The following CAMKK1 variants were observed in gnomAD, a reference collection of about 807,000 sequenced individuals.
The protein encoded by CAMKK1 is calcium/calmodulin dependent protein kinase kinase 1, also known as calcium/calmodulin-dependent protein kinase kinase 1.
CAMKK1 carries 20 observed loss-of-function variants against 63.5 expected under a neutral mutation model. That is an observed-to-expected ratio of 0.32 (90% CI 0.22 to 0.46). The LOEUF (loss-of-function observed/expected upper bound fraction) is 0.46. Among genes scored for constraint, CAMKK1 ranks in the 20% least tolerant of loss-of-function variants. The pLI is 1.00. For missense variants in CAMKK1, 588 were observed against 658.1 expected (o/e 0.89, Z 1.17); for synonymous variants, 253 against 269.0 (o/e 0.94, Z 0.58).
At chr17:3,881,484 T>C in intron 8 of CAMKK1, 143 bp downstream of exon 8, 3 of 701,746 alleles carry the variant, frequency 4.3e-6, no homozygotes, top group Non-Finnish European at 7.2e-6. Flanking sequence ...ATGGTCCTCT[T>C]GGTCTCTTAT....
intron 12 of CAMKK1, among the ~76,000 whole-genome samples, chr17:3,871,676 G>GT (rs1221638739): frequency 0.012 from 1,394 of 119,114 alleles, 15 homozygotes; most frequent in Middle Eastern, 0.071. Context: ...TCTTTCTTCT[G>GT]TTTTTTTTTT....
chr17:3,873,137 G>A (rs1408478998), intron 11 of CAMKK1, among the ~76,000 whole-genome samples: 1 of 152,224 alleles, frequency 6.6e-6, no homozygotes, highest in Non-Finnish European at 1.5e-5. Context: ...TGGCGTCAAG[G>A]GACAGAGGGA....
chr17:3,890,063 A>G lies in CAMKK1; in HGVS notation c.-44+2876T>C, dbSNP rs549747740. ...CAGCAGAGGACCGAACAGAAGGGAAAGCCGCAGAGGTGGCGGCCACCCAGG... is the reference window on the plus strand; with the variant it reads ...CAGCAGAGGACCGAACAGAAGGGAAGGCCGCAGAGGTGGCGGCCACCCAGG... On this transcript the variant is annotated intron_variant, in intron 1 of 15. Transcript: ENST00000348335. The surrounding 1 kb of genome is among the most constrained non-coding windows in gnomAD (Gnocchi z 6.5). 4.6e-5 allele frequency among the ~76,000 whole-genome samples: 7 copies of G among 152,304 alleles called. No homozygotes were observed. In the South Asian group the frequency reaches 1.5e-3, roughly 32 times the overall value.
rs762326027 is a variant in CAMKK1, at chr17:3,869,655, G to A, written c.1213-40C>T. 4.3e-6 allele frequency: 7 copies of A among 1,613,714 alleles called. No individual in the cohort carries two copies. The Admixed American group carries it at 1.0e-4, about 23-fold the overall frequency. On this transcript the variant is annotated intron_variant, in intron 13 of 15. Transcript: ENST00000348335. ...AGGGCAGGGAGAGGGGGAGAGGTCA[G>A]GCCATTACCAGAATCACCTGGAGGG...
intron 9 of CAMKK1, 23 bp downstream of exon 9, chr17:3,880,323 T>C: frequency 1.2e-6 from 2 of 1,606,664 alleles, no homozygotes; most frequent in East Asian, 2.2e-5. Flanking sequence ...CCAGCCCCAG[T>C]GGGCAAGCTG....
intron 15 of CAMKK1, among the ~76,000 whole-genome samples, chr17:3,864,547 T>A (rs1408189396): frequency 1.3e-5 from 2 of 152,152 alleles, no homozygotes; most frequent in Non-Finnish European, 2.9e-5. Flanking sequence ...CACCCGGCCG[T>A]GCTGGCATAA....
intron 1 of CAMKK1, among the ~76,000 whole-genome samples, chr17:3,888,055 C>G (rs1316982251): frequency 1.3e-5 from 2 of 152,178 alleles, no homozygotes; most frequent in African/African-American, 4.8e-5. Flanking sequence ...CCCCATTAGA[C>G]AGATGAGAAA....
In CAMKK1 at chr17:3,882,700, C is replaced by T. The variant is rs901727286; in HGVS notation, c.649-136G>A. On this transcript the variant is annotated intron_variant, in intron 6 of 15. Coordinates refer to ENST00000348335, the MANE Select transcript of CAMKK1 (RefSeq NM_032294.3). The surrounding 1 kb of genome is among the most constrained non-coding windows in gnomAD (Gnocchi z 4.3). Reference sequence around the variant, plus strand: ...CCCAGACAAGGAAGCAGGAAGTGTACAGGTGGTGCCAGACTGATGGGGCCT... The same window carrying T: ...CCCAGACAAGGAAGCAGGAAGTGTATAGGTGGTGCCAGACTGATGGGGCCT... 2.4e-5 allele frequency: 20 copies of T among 848,966 alleles called. No individual in the cohort carries two copies. Among genetic ancestry groups the T allele is most frequent in the Non-Finnish European group, 3.8e-5 (20 of 529,836 alleles). 52.6% of individuals were successfully genotyped at this position (848,966 alleles called of 1,614,324 possible).
chr17:3,864,391 T>C (rs946952284), intron 15 of CAMKK1, among the ~76,000 whole-genome samples: 15 of 151,724 alleles, frequency 9.9e-5, no homozygotes, highest in East Asian at 3.9e-4. Context: ...GGACTCCAGG[T>C]GCCCGCCACC....
intron 12 of CAMKK1, among the ~76,000 whole-genome samples, chr17:3,870,737 T>G (rs750256061): frequency 7.9e-5 from 12 of 152,262 alleles, no homozygotes; most frequent in Non-Finnish European, 1.3e-4. Context: ...AGAAAGCCAC[T>G]CTCAGGACTG....
chr17:3,880,327 C>A lies in CAMKK1; in HGVS notation c.796+19G>T, dbSNP rs753981187. 1 of 1,610,628 alleles carries A rather than the reference C, an allele frequency of 6.2e-7. No individual in the cohort carries two copies. The highest frequency in any genetic ancestry group is 8.5e-7 in the Non-Finnish European group (1 of 1,177,358). The stretch of plus-strand genomic sequence containing the variant: ...ATCCCCTAGCCCCAGCCCCAGTGGG[C>A]AAGCTGCCCCGCACTCACAGTACTC... On this transcript the variant is annotated intron_variant, in intron 9 of 15. Transcript: ENST00000348335.
chr17:3,890,701 G>T lies in CAMKK1; in HGVS notation c.-44+2238C>A. On this transcript the variant is annotated intron_variant, in intron 1 of 15. Coordinates refer to ENST00000348335, the MANE Select transcript of CAMKK1 (RefSeq NM_032294.3). The surrounding 1 kb of genome is among the most constrained non-coding windows in gnomAD (Gnocchi z 6.5). ...CACAACCCCACACTTACTCTCCACT[G>T]CAGCCACACCACAGCTTCCCAAATT... The T allele has an allele frequency of 1.3e-6, 1 of 779,668 alleles. No individual in the cohort carries two copies. The allele number at this position is 779,668 out of a possible 1,614,324, so 48.3% of individuals were successfully genotyped here.
chr17:3,882,504 G>C lies in CAMKK1; in HGVS notation c.685+24C>G. 6.3e-7 allele frequency: 1 copy of C among 1,597,654 alleles called. No homozygotes were observed. Among genetic ancestry groups the C allele is most frequent in the Non-Finnish European group, 8.5e-7 (1 of 1,171,284 alleles). On this transcript the variant is annotated intron_variant, in intron 7 of 15. Transcript: ENST00000348335. This position sits in a 1 kb window ranked among gnomAD's most constrained non-coding sequence, Gnocchi z 4.3. ...TTGGGCCAGCCCTGAGTGAGCTGCT[G>C]TGGGAATGAGCCAGGTCACTCACCC...
intron 14 of CAMKK1, among the ~76,000 whole-genome samples, chr17:3,868,741 C>G (rs934258010): frequency 6.6e-6 from 1 of 152,104 alleles, no homozygotes; most frequent in Non-Finnish European, 1.5e-5. Flanking sequence ...CAACCTCCAC[C>G]TCCCAGGTTC....
chr17:3,876,434 G>C lies in CAMKK1; in HGVS notation c.797-12C>G, dbSNP rs1179681443. 1 of 1,612,772 alleles carries C rather than the reference G, an allele frequency of 6.2e-7. No homozygotes were observed. The highest frequency in any genetic ancestry group is 1.7e-5 in the Admixed American group (1 of 60,034). Reference sequence around the variant, plus strand: ...CTTCTGGCAGTGCACTGCAGAGAAGGGGAGCTTGAGCTGAGCGCTGGCCTG... The same window carrying C: ...CTTCTGGCAGTGCACTGCAGAGAAGCGGAGCTTGAGCTGAGCGCTGGCCTG... On this transcript the variant is annotated splice_polypyrimidine_tract_variant and intron_variant, in intron 9 of 15. Coordinates refer to ENST00000348335, the MANE Select transcript of CAMKK1 (RefSeq NM_032294.3).
intron 14 of CAMKK1, among the ~76,000 whole-genome samples, chr17:3,868,943 G>A (rs1389688712): frequency 1.3e-4 from 19 of 150,328 alleles, no homozygotes; most frequent in African/African-American, 7.4e-5. Flanking sequence ...GTGAGCCACC[G>A]CGCCCGGTAT....
chr17:3,867,486 T>C (rs1206049349), intron 14 of CAMKK1, among the ~76,000 whole-genome samples: 13 of 152,126 alleles, frequency 8.5e-5, no homozygotes. Flanking sequence ...GGGACCATGC[T>C]GGGTGCTGAG....
chr17:3,865,979 G>A lies in CAMKK1; in HGVS notation c.1374C>T (p.Ser458=), dbSNP rs1383732227. ...CTTGGGGCTCAAACGGGTTCCCAAA[G>A]GAACGCTTCCTCAGCATGGACTTCA... The part of the protein sequence containing the change: ...ILVKSMLRKR[S]FGNPFEPQAR... The change falls in exon 15 of 16, where the codon TCC becomes TCT. Residue 458 remains serine (S), a synonymous_variant. Transcript: ENST00000348335. 1 of 1,614,202 alleles carries A rather than the reference G, an allele frequency of 6.2e-7. No individual in the cohort carries two copies. Among genetic ancestry groups the A allele is most frequent in the Non-Finnish European group, 8.5e-7 (1 of 1,180,032 alleles).
chr17:3,863,262 G>A lies in CAMKK1; in HGVS notation c.1446-979C>T, dbSNP rs192157633. ...TGTAATCCCAGCACTTTGGGAGGCT[G>A]AGGTGGGCAGATTACCTGAGGTCAG... On this transcript the variant is annotated intron_variant, in intron 15 of 15. Coordinates refer to ENST00000348335, the MANE Select transcript of CAMKK1 (RefSeq NM_032294.3). Among the ~76,000 whole-genome samples the A allele has an allele frequency of 2.0e-3, 307 of 152,296 alleles. 1 individual carries two copies. The highest frequency in any genetic ancestry group is 7.1e-3 in the African/African-American group (294 of 41,580).
Sources: allele counts gnomAD v4.1 joint callset (sites outside exome capture counted in the v4.1 genomes callset), GRCh38; gene constraint gnomAD v4.1.1; non-coding constraint Gnocchi (gnomAD v3.1); transcripts MANE v1.5; gene names NCBI Gene and HGNC (gene_info 2026-07-23, HGNC 2026-07-21).